FARS2: variants seen among roughly 807,000 people sequenced by gnomAD.
The protein encoded by FARS2 is phenylalanyl-tRNA synthetase 2, mitochondrial.
Under a neutral mutation model 46.4 loss-of-function variants are expected in FARS2, and 40 were observed. The ratio of observed to expected loss-of-function variants is 0.86; its 90% CI spans 0.67 to 1.12. The LOEUF (loss-of-function observed/expected upper bound fraction) is 1.12. Among genes scored for constraint, FARS2 ranks in the 50% most tolerant of loss-of-function variants. The pLI, the probability that FARS2 is intolerant of heterozygous loss-of-function variation, is 0.00. For missense variants in FARS2, 513 were observed against 567.9 expected (o/e 0.90, Z 0.98); for synonymous variants, 234 against 214.9 (o/e 1.09, Z -0.78).
intron 3 of FARS2, among the ~76,000 whole-genome samples, chr6:5,421,484 C>T (rs1417108824): frequency 6.6e-6 from 1 of 152,210 alleles, no homozygotes; most frequent in Non-Finnish European, 1.5e-5. Flanking sequence ...TTGAATTTCT[C>T]CTCAGAAAAT....
intron 6 of FARS2, among the ~76,000 whole-genome samples, chr6:5,668,265 T>C (rs1173245479): frequency 6.6e-6 from 1 of 152,242 alleles, no homozygotes; most frequent in African/African-American, 2.4e-5. Context: ...TTTTCTGTTT[T>C]ATATGTATCT....
chr6:5,717,931 T>TAGAGAAAGAGAGAGAG (rs1175182131), intron 6 of FARS2, among the ~76,000 whole-genome samples: 2 of 118,518 alleles, frequency 1.7e-5, no homozygotes, highest in South Asian at 4.9e-4. Flanking sequence ...TATATATATA[T>TAGAGAAAGAGAGAGAG]ATATACAGAG....
chr6:5,492,199 C>G (rs1335043145), intron 4 of FARS2, among the ~76,000 whole-genome samples: 2 of 152,086 alleles, frequency 1.3e-5, no homozygotes, highest in Non-Finnish European at 2.9e-5. Context: ...TTTCAACTAC[C>G]AAACAACACT....
intron 1 of FARS2, among the ~76,000 whole-genome samples, chr6:5,288,124 G>A (rs892883001): frequency 1.3e-5 from 2 of 152,174 alleles, no homozygotes; most frequent in East Asian, 3.9e-4. Flanking sequence ...CAACGTCACA[G>A]CCAGGACTGG....
intron 2 of FARS2, among the ~76,000 whole-genome samples, chr6:5,397,046 T>C (rs1760948336): frequency 6.6e-6 from 1 of 152,170 alleles, no homozygotes; most frequent in Non-Finnish European, 1.5e-5. Context: ...AAAATAACTG[T>C]ATGAAATCTT....
At chr6:5,260,970 T>A, upstream of FARS2, 4 of 1,239,972 alleles carry the variant, frequency 3.2e-6, no homozygotes, top group Non-Finnish European at 4.0e-6. Context: ...AAGGGGGCGG[T>A]GCTGGGAGGG....
intron 4 of FARS2, among the ~76,000 whole-genome samples, chr6:5,479,327 A>G (rs779938956): frequency 4.6e-5 from 7 of 152,218 alleles, no homozygotes; most frequent in Admixed American, 2.0e-4. Context: ...TCAAAATGTC[A>G]TATTCCATTC....
chr6:5,404,569 A>G lies in FARS2; in HGVS notation c.640A>G (p.Ser214Gly). 6.2e-7 allele frequency: 1 copy of G among 1,605,292 alleles called. No individual in the cohort carries two copies. Among genetic ancestry groups the G allele is most frequent in the Non-Finnish European group, 8.5e-7 (1 of 1,175,480 alleles). ...ELFAGIKDGE[S>G]LQLFEQSSRS... ...ATTTGCTGGTATAAAGGATGGAGAAAGCCTGCAGCTCTTTGAACAAAGTTC... is the reference window on the plus strand; with the variant it reads ...ATTTGCTGGTATAAAGGATGGAGAAGGCCTGCAGCTCTTTGAACAAAGTTC... Residue 214 changes from serine to glycine, a missense_variant, in exon 3 of 7, where the codon AGC becomes GGC. Physicochemically the swap from Ser to Gly is moderately conservative, Grantham distance 56. Coordinates refer to ENST00000274680, the MANE Select transcript of FARS2 (RefSeq NM_006567.5).
At chr6:5,724,030 G>C (rs1369389512) in intron 6 of FARS2, among the ~76,000 whole-genome samples, 5 of 152,236 alleles carry the variant, frequency 3.3e-5, no homozygotes, top group Non-Finnish European at 5.9e-5. Context: ...CGGCGGGAAA[G>C]GAAGGGCCGC....
At chr6:5,522,293 T>C (rs1421085382) in intron 4 of FARS2, among the ~76,000 whole-genome samples, 1 of 152,196 alleles carries the variant, frequency 6.6e-6, no homozygotes, top group Non-Finnish European at 1.5e-5. Context: ...TCTGCTTAGA[T>C]GCCACTAGCA....
intron 6 of FARS2, among the ~76,000 whole-genome samples, chr6:5,725,997 A>C (rs1760228316): frequency 6.6e-6 from 1 of 152,116 alleles, no homozygotes; most frequent in Non-Finnish European, 1.5e-5. Context: ...TCATTGTTGG[A>C]ATAGGCATTG....
At chr6:5,493,355 G>A (rs1026616500) in intron 4 of FARS2, among the ~76,000 whole-genome samples, 1 of 152,068 alleles carries the variant, frequency 6.6e-6, no homozygotes, top group South Asian at 2.1e-4. Flanking sequence ...CTAGAAGGTA[G>A]GGATCACATG....
intron 1 of FARS2, among the ~76,000 whole-genome samples, chr6:5,341,211 A>C (rs1377007171): frequency 1.7e-4 from 1 of 5,878 alleles, no homozygotes; most frequent in South Asian, 4.5e-3. Context: ...ATATATATAT[A>C]TATATATATA....
At chr6:5,267,559 G>C (rs952040646) in intron 1 of FARS2, among the ~76,000 whole-genome samples, 3 of 151,902 alleles carry the variant, frequency 2.0e-5, no homozygotes, top group African/African-American at 7.3e-5. Flanking sequence ...GACCATCCTG[G>C]CTAACACAGT....
At chr6:5,595,349 A>G (rs1386352714) in intron 5 of FARS2, among the ~76,000 whole-genome samples, 1 of 152,172 alleles carries the variant, frequency 6.6e-6, no homozygotes, top group African/African-American at 2.4e-5. Context: ...GCCTCAGCTG[A>G]ACCGCCAATC....
At chr6:5,689,143 A>C (rs191783044) in intron 6 of FARS2, among the ~76,000 whole-genome samples, 17 of 152,242 alleles carry the variant, frequency 1.1e-4, no homozygotes, top group African/African-American at 4.1e-4. Context: ...TGATCTTTTC[A>C]AAAAACCAGC....
At chr6:5,628,774 T>A (rs1357877375) in intron 6 of FARS2, among the ~76,000 whole-genome samples, 1 of 152,210 alleles carries the variant, frequency 6.6e-6, no homozygotes, top group Non-Finnish European at 1.5e-5. Context: ...CATGCTGCCC[T>A]TCCCACAGCC....
chr6:5,456,459 C>T (rs1292865876), intron 4 of FARS2, among the ~76,000 whole-genome samples: 2 of 148,918 alleles, frequency 1.3e-5, no homozygotes, highest in Non-Finnish European at 3.0e-5. Context: ...GTTGGCCAGG[C>T]ACGGTGGCTC....
intron 6 of FARS2, among the ~76,000 whole-genome samples, chr6:5,616,193 A>G (rs1775472679): frequency 6.6e-6 from 1 of 152,106 alleles, no homozygotes; most frequent in Admixed American, 6.6e-5. Context: ...TGCAGATGAT[A>G]TCTGTCTCCT....
Sources: allele counts gnomAD v4.1 joint callset (sites outside exome capture counted in the v4.1 genomes callset), GRCh38; gene constraint gnomAD v4.1.1; transcripts MANE v1.5; gene names NCBI Gene and HGNC (gene_info 2026-07-23, HGNC 2026-07-21).